The following FOXP2 variants were observed in gnomAD, a reference collection of about 807,000 sequenced individuals.
FOXP2 encodes forkhead box protein P2.
FOXP2 carries 12 observed loss-of-function variants against 115.8 expected under a neutral mutation model. That is an observed-to-expected ratio of 0.10 (90% confidence interval 0.07 to 0.17). FOXP2 has a LOEUF of 0.17. FOXP2 is among the 10% of genes least tolerant of loss of function. The pLI, the probability that FOXP2 is intolerant of heterozygous loss-of-function variation, is 1.00. For synonymous variants in FOXP2, 328 were observed against 297.7 expected, an observed-to-expected ratio of 1.10 and a Z score of -1.05; for missense variants, 629 against 843.5, an observed-to-expected ratio of 0.75 and a Z score of 3.15.
At chr7:114,186,776 G>A (rs1793617507) in intron 1 of FOXP2, among the ~76,000 whole-genome samples, 3 of 152,202 alleles carry the variant, frequency 2.0e-5, no homozygotes, top group African/African-American at 7.2e-5. Flanking sequence ...GTCATGCACT[G>A]TATACATCTG....
intron 2 of FOXP2, among the ~76,000 whole-genome samples, chr7:114,389,656 T>A (rs1448199418): frequency 6.6e-6 from 1 of 152,178 alleles, no homozygotes; most frequent in African/African-American, 2.4e-5. Context: ...TTTGGTTAGA[T>A]GAAATTTCAA....
intron 2 of FOXP2, among the ~76,000 whole-genome samples, chr7:114,408,507 A>G (rs1793087191): frequency 6.6e-6 from 1 of 152,078 alleles, no homozygotes. Flanking sequence ...TGGGTGGATC[A>G]TTTGAGGTCA....
intron 3 of FOXP2, among the ~76,000 whole-genome samples, chr7:114,587,880 A>ATATATATATATATATATAT (rs1190124247): frequency 4.4e-4 from 27 of 61,542 alleles, no homozygotes; most frequent in South Asian, 1.4e-3. Context: ...GAGATAATTA[A>ATATATATATATATATATAT]ATCCACCTTT....
At chr7:114,500,681 A>T (rs534505163) in intron 2 of FOXP2, among the ~76,000 whole-genome samples, 1 of 152,186 alleles carries the variant, frequency 6.6e-6, no homozygotes, top group Non-Finnish European at 1.5e-5. Flanking sequence ...GCCCAAAGTA[A>T]TACAGCTCTT....
intron 1 of FOXP2, among the ~76,000 whole-genome samples, chr7:114,089,142 C>A (rs951379457): frequency 3.3e-5 from 5 of 151,956 alleles, no homozygotes; most frequent in Non-Finnish European, 5.9e-5. Flanking sequence ...TGCTTCCTTA[C>A]GACACACACT....
intron 16 of FOXP2, among the ~76,000 whole-genome samples, chr7:114,677,187 CA>C (rs1013070656): frequency 1.5e-5 from 2 of 134,196 alleles, no homozygotes; most frequent in African/African-American, 2.6e-5. Flanking sequence ...AAAAAAAAAA[CA>C]AAAAAAACAA....
intron 16 of FOXP2, chr7:114,665,645 CA>C (rs1229122765): frequency 6.6e-6 from 1 of 152,062 alleles, no homozygotes; most frequent in Non-Finnish European, 1.5e-5. Flanking sequence ...TGTGTTTTAT[CA>C]GGTTCCGAAC....
intron 13 of FOXP2, among the ~76,000 whole-genome samples, chr7:114,659,987 T>C (rs1806781531): frequency 6.6e-6 from 1 of 152,184 alleles, no homozygotes; most frequent in African/African-American, 2.4e-5. Context: ...TTCTCTTGCA[T>C]ATTATTGGCT....
chr7:114,346,144 T>G (rs1791342215), intron 2 of FOXP2, among the ~76,000 whole-genome samples: 1 of 151,982 alleles, frequency 6.6e-6, no homozygotes, highest in South Asian at 2.1e-4. Context: ...ACATGTAAAA[T>G]TTTTAGTTTA....
chr7:114,525,731 C>A (rs1798824244), intron 2 of FOXP2, among the ~76,000 whole-genome samples: 1 of 152,156 alleles, frequency 6.6e-6, no homozygotes, highest in South Asian at 2.1e-4. Flanking sequence ...CCTGTCTCCT[C>A]CCCATAAGTC....
intron 1 of FOXP2, among the ~76,000 whole-genome samples, chr7:114,249,430 G>C (rs556148751): frequency 6.6e-6 from 1 of 151,496 alleles, no homozygotes; most frequent in Admixed American, 6.6e-5. Flanking sequence ...TGTTCTCACT[G>C]TTCAGCTCCC....
intron 2 of FOXP2, among the ~76,000 whole-genome samples, chr7:114,481,812 A>ATCTATCTATC (rs1562952222): frequency 1.6e-5 from 2 of 125,134 alleles, no homozygotes; most frequent in Non-Finnish European, 3.5e-5. Flanking sequence ...ATCTATCTAT[A>ATCTATCTATC]TATCTATCTA....
Position 114,426,532 on chromosome 7 carries a change from A to C in FOXP2, c.21A>C (p.Thr7=). 1 of 1,611,206 alleles carries C rather than the reference A, an allele frequency of 6.2e-7. No homozygotes were observed. Among genetic ancestry groups the C allele is most frequent in the South Asian group, 1.1e-5 (1 of 91,034 alleles). MMQESA[T]ETISNSSMNQ... is the part of the protein sequence containing the mutation. The stretch of plus-strand genomic sequence containing the variant: ...AAGTCATGATGCAGGAATCTGCGAC[A>C]GAGACAATAAGCAACAGTTCAATGA... Residue 7 remains threonine, a synonymous_variant, in exon 2 of 17, where the codon ACA becomes ACC. Coordinates refer to ENST00000350908, the MANE Select transcript of FOXP2 (RefSeq NM_014491.4).
intron 2 of FOXP2, among the ~76,000 whole-genome samples, chr7:114,496,263 T>G (rs935486888): frequency 6.6e-5 from 10 of 152,168 alleles, no homozygotes; most frequent in African/African-American, 2.4e-4. Flanking sequence ...ACTATAAATT[T>G]GGCAGAATTT....
intron 1 of FOXP2, among the ~76,000 whole-genome samples, chr7:114,129,102 A>G (rs1791803432): frequency 6.6e-6 from 1 of 152,186 alleles, no homozygotes; most frequent in Admixed American, 6.6e-5. Context: ...CCATTCAGGA[A>G]AGTGAAGAGA....
At chr7:114,642,150 G>A (rs1471605685) in intron 6 of FOXP2, among the ~76,000 whole-genome samples, 1 of 151,856 alleles carries the variant, frequency 6.6e-6, no homozygotes, top group Non-Finnish European at 1.5e-5. Flanking sequence ...TTTTTTTAAT[G>A]CTTGATATTA....
intron 2 of FOXP2, among the ~76,000 whole-genome samples, chr7:114,292,610 G>A (rs1796634689): frequency 6.6e-6 from 1 of 151,916 alleles, no homozygotes; most frequent in Non-Finnish European, 1.5e-5. Context: ...TCTTTTTAAA[G>A]CACATTTAAA....
intron 1 of FOXP2, among the ~76,000 whole-genome samples, chr7:114,256,377 G>T (rs1400050181): frequency 1.3e-5 from 2 of 152,190 alleles, no homozygotes; most frequent in African/African-American, 2.4e-5. Context: ...AAAGTGCTGG[G>T]ATTATAGGTG....
At chr7:114,459,840 C>T (rs572141072) in intron 2 of FOXP2, among the ~76,000 whole-genome samples, 136 of 152,130 alleles carry the variant, frequency 8.9e-4, no homozygotes, top group Non-Finnish European at 1.8e-3. Context: ...GATCTCGAAC[C>T]GCTGACCTCA....
Sources: gnomAD v4.1 joint callset for allele counts (sites outside exome capture counted in the v4.1 genomes callset) on GRCh38, gnomAD v4.1.1 for gene constraint, MANE v1.5 for transcripts, NCBI Gene and HGNC (gene_info 2026-07-23, HGNC 2026-07-21) for gene names.